PCDHA8: variants seen among roughly 807,000 people sequenced by gnomAD.
PCDHA8 encodes protocadherin alpha 8.
Under a neutral mutation model 61.8 loss-of-function variants are expected in PCDHA8, and 53 were observed. The ratio of observed to expected loss-of-function variants is 0.86; its 90% CI spans 0.69 to 1.08. The LOEUF (loss-of-function observed/expected upper bound fraction) is 1.08. PCDHA8 is among the 50% of genes least tolerant of loss of function. PCDHA8 has a pLI of 0.00. For missense variants in PCDHA8, 1,293 were observed against 1,245.0 expected (o/e 1.04, Z -0.58); for synonymous variants, 618 against 556.6 (o/e 1.11, Z -1.55).
intron 1 of PCDHA8, among the ~76,000 whole-genome samples, chr5:140,880,565 A>T (rs1554171321): frequency 6.6e-6 from 1 of 152,206 alleles, no homozygotes; most frequent in Non-Finnish European, 1.5e-5. Flanking sequence ...TGAGGTTGAG[A>T]ATTTGAGAAG....
chr5:140,875,637 G>T, intron 1 of PCDHA8: 1 of 1,613,638 alleles, frequency 6.2e-7, no homozygotes, highest in Non-Finnish European at 8.5e-7. Flanking sequence ...TGGGGCTGGA[G>T]CTGGCGGAGC....
At chr5:140,932,794 G>A (rs945877357) in intron 1 of PCDHA8, among the ~76,000 whole-genome samples, 46 of 151,806 alleles carry the variant, frequency 3.0e-4, no homozygotes, top group African/African-American at 4.8e-5. Flanking sequence ...TAAGAGAAAA[G>A]CAATACCTTG....
At position 140,841,506 on chromosome 5, in the gene PCDHA8, G is replaced by C. The variant is rs2150316870; in HGVS notation, c.185G>C (p.Arg62Pro). Reference protein sequence around the residue: ...LGLELAELVPRLFRVASKRHR... With the variant: ...LGLELAELVPPLFRVASKRHR... ...CTGGAGCTGGCGGAGCTGGTGCCGC[G>C]CCTGTTCCGGGTGGCGTCCAAAAGA... Residue 62 changes from arginine (R) to proline (P), a missense_variant, in exon 1 of 4, where the codon CGC becomes CCC. By Grantham distance (103) the Arg-to-Pro change is moderately radical. Coordinates refer to ENST00000531613, the MANE Select transcript of PCDHA8 (RefSeq NM_018911.3). 4 of 1,613,388 alleles carry C rather than the reference G, an allele frequency of 2.5e-6. No homozygotes were observed. Among genetic ancestry groups the C allele is most frequent in the Admixed American group, 1.7e-5 (1 of 60,006 alleles).
At chr5:140,870,906 C>A (rs201710263) in intron 1 of PCDHA8, 2 of 1,613,946 alleles carry the variant, frequency 1.2e-6, no homozygotes, top group South Asian at 2.2e-5. Flanking sequence ...CGGACTCAGG[C>A]TACAACGCGT....
intron 1 of PCDHA8, chr5:140,852,488 G>A (rs1554145834): frequency 4.7e-6 from 1 of 213,506 alleles, no homozygotes; most frequent in African/African-American, 2.4e-5. Context: ...ATGTTGGCCA[G>A]GTTGGTCTCG....
rs2098421681 is a variant in PCDHA8, at chr5:141,011,735, A to C, written c.*1798A>C. 1 of 153,882 alleles carries C rather than the reference A, an allele frequency of 6.5e-6. No individual in the cohort carries two copies. Among genetic ancestry groups the C allele is most frequent in the South Asian group, 2.1e-4 (1 of 4,828 alleles). 9.5% of individuals were successfully genotyped at this position (153,882 alleles called of 1,614,324 possible). A position where few individuals can be genotyped will look rare whatever the true frequency, so the allele number is the denominator to read the frequency against. ...TATTCCATGAGGGTGTGCAAGCACA[A>C]ATTTTACCAATCTGACCTCTTTGAA... On this transcript the variant is annotated 3_prime_UTR_variant, in exon 4 of 4. Transcript: ENST00000531613.
At chr5:140,865,724 G>T (rs1334768794) in intron 1 of PCDHA8, 1 of 152,164 alleles carries the variant, frequency 6.6e-6, no homozygotes, top group African/African-American at 2.4e-5. Flanking sequence ...GAGAAGCTGA[G>T]ATGTGTATCT....
intron 3 of PCDHA8, among the ~76,000 whole-genome samples, chr5:141,000,419 A>G (rs1394449061): frequency 1.6e-5 from 1 of 61,008 alleles, no homozygotes; most frequent in African/African-American, 7.6e-5. Flanking sequence ...ATATATATAT[A>G]TATTTTTTTT....
rs781991042 is a variant in PCDHA8, at chr5:140,968,933, A to G, written c.2395-10016A>G. ...AGTGTCTTTTATATTTCTTTTGACA[A>G]TCATCATTTTGAGCATCATCAAGTG... On this transcript the variant is annotated intron_variant, in intron 1 of 3. Transcript: ENST00000531613. 77 of 1,614,052 alleles carry G rather than the reference A, an allele frequency of 4.8e-5. No individual in the cohort carries two copies. Among genetic ancestry groups the G allele is most frequent in the Non-Finnish European group, 6.0e-5 (71 of 1,180,034 alleles).
At chr5:140,861,662 G>A (rs1396410741) in intron 1 of PCDHA8, 1 of 264,436 alleles carries the variant, frequency 3.8e-6, no homozygotes, top group East Asian at 9.8e-5. Flanking sequence ...TGAAACGAGA[G>A]CTCTTGATTA....
intron 1 of PCDHA8, 41 bp from the exon 2 acceptor site, chr5:140,978,908 T>C: frequency 6.2e-7 from 1 of 1,613,772 alleles, no homozygotes; most frequent in Non-Finnish European, 8.5e-7. Context: ...GAGAACATTG[T>C]CTTGTCATTT....
In PCDHA8 at chr5:141,010,916, A is replaced by G. The variant is rs1554263193; in HGVS notation, c.*979A>G. The G allele has an allele frequency of 6.5e-6, 1 of 153,780 alleles. No individual in the cohort carries two copies. The highest frequency in any genetic ancestry group is 2.4e-5 in the African/African-American group (1 of 41,454). 9.5% of individuals were successfully genotyped at this position (153,780 alleles called of 1,614,324 possible). On this transcript the variant is annotated 3_prime_UTR_variant, in exon 4 of 4. Transcript: ENST00000531613. ...ATACAATTCCCCTAAACTCTCCTCAAAAGAGAATTCAGTCTACAGCCATTT... is the reference window on the plus strand; with the variant it reads ...ATACAATTCCCCTAAACTCTCCTCAGAAGAGAATTCAGTCTACAGCCATTT...
chr5:140,852,714 G>T, intron 1 of PCDHA8: 2 of 980,718 alleles, frequency 2.0e-6, no homozygotes, highest in South Asian at 9.5e-5. Flanking sequence ...CTTTGTCTTT[G>T]CACGTTTTTC....
At chr5:140,965,128 A>G (rs2095876420) in intron 1 of PCDHA8, among the ~76,000 whole-genome samples, 1 of 152,244 alleles carries the variant, frequency 6.6e-6, no homozygotes, top group African/African-American at 2.4e-5. Flanking sequence ...AGATCTACAG[A>G]TGACAGAATA....
At chr5:140,855,056 G>C (rs1045590902) in intron 1 of PCDHA8, among the ~76,000 whole-genome samples, 1 of 149,630 alleles carries the variant, frequency 6.7e-6, no homozygotes, top group Non-Finnish European at 1.5e-5. Flanking sequence ...GTACTTTTCT[G>C]TTTTCTTAAA....
At chr5:140,849,751 C>A (rs1664372537) in intron 1 of PCDHA8, 2 of 1,598,420 alleles carry the variant, frequency 1.3e-6, no homozygotes, top group Non-Finnish European at 1.7e-6. Flanking sequence ...GAGAGTGTGT[C>A]CGCCTACGAG....
chr5:140,875,993 T>C lies in PCDHA8; in HGVS notation c.2394+32278T>C, dbSNP rs574636926. 5 of 1,613,988 alleles carry C rather than the reference T, an allele frequency of 3.1e-6. No homozygotes were observed. The Admixed American group carries it at 6.7e-5, about 22-fold the overall frequency. On this transcript the variant is annotated intron_variant, in intron 1 of 3. Transcript: ENST00000531613. The stretch of plus-strand genomic sequence containing the variant: ...TCTCTTTTGACCTATGCGTTAAGTC[T>C]AAATGAGAATTTTGAGCTTAAAATA...
intron 1 of PCDHA8, 52 bp from the exon 2 acceptor site, chr5:140,978,897 G>T: frequency 6.2e-7 from 1 of 1,612,776 alleles, no homozygotes; most frequent in Non-Finnish European, 8.5e-7. Context: ...AGCATTCCTG[G>T]GAGAACATTG....
Position 140,842,609 on chromosome 5 carries a change from G to T in PCDHA8, c.1288G>T (p.Gly430Trp), listed in dbSNP as rs2150340474. 6.2e-5 allele frequency: 99 copies of T among 1,595,866 alleles called. 3 individuals carry two copies. In the East Asian group the frequency reaches 1.8e-3, roughly 29 times the overall value. The change falls in exon 1 of 4, where the codon GGG (glycine) becomes TGG (tryptophan). Residue 430 changes from glycine to tryptophan, a missense_variant. Physicochemically the swap from Gly to Trp is radical, Grantham distance 184. Transcript: ENST00000531613. ...AYELVVTARD[G>W]GSPSLWATAS... ...TGAGTTGGTGGTAACCGCGCGGGAC[G>T]GGGGCTCGCCTTCGCTGTGGGCCAC...
Sources: gnomAD v4.1 joint callset for allele counts (sites outside exome capture counted in the v4.1 genomes callset) on GRCh38, gnomAD v4.1.1 for gene constraint, MANE v1.5 for transcripts, NCBI Gene and HGNC (gene_info 2026-07-23, HGNC 2026-07-21) for gene names.